CES5A: variants seen among roughly 807,000 people sequenced by gnomAD.
CES5A encodes carboxylesterase 5A.
In CES5A, 67 loss-of-function variants were observed where a neutral mutation model predicts 62.9. The observed-to-expected ratio is 1.07, with a 90% confidence interval of 0.88 to 1.31. The LOEUF is 1.31. CES5A is among the 50% of genes most tolerant of loss of function. The pLI, the probability that CES5A is intolerant of heterozygous loss-of-function variation, is 0.00. For missense variants in CES5A, 748 were observed against 708.5 expected (o/e 1.06, Z -0.63); for synonymous variants, 296 against 280.8 (o/e 1.05, Z -0.54).
At chr16:55,950,927 C>A (rs191941188) in intron 1 of CES5A, among the ~76,000 whole-genome samples, 60 of 151,488 alleles carry the variant, frequency 4.0e-4, no homozygotes, top group Admixed American at 8.5e-4. Context: ...ACGGTAAAAC[C>A]CCATCTCTAC....
Position 55,859,633 on chromosome 16 carries a change from G to C in CES5A, c.970C>G (p.Leu324Val). ...AATGCTTTCTGAGACAATAGATCTA[G>C]AGGCTCATTAGGAAAGAAAGCACCA... ...VDGAFFPNEP[L>V]DLLSQKAFKA... The change falls in exon 8 of 13, where the codon CTA (leucine) becomes GTA (valine). Residue 324 changes from leucine (L) to valine (V), a missense_variant. By Grantham distance (32) the Leu-to-Val change is conservative. Coordinates refer to ENST00000290567, the MANE Select transcript of CES5A (RefSeq NM_001143685.2). 1 of 1,613,406 alleles carries C rather than the reference G, an allele frequency of 6.2e-7. No homozygotes were observed. The highest frequency in any genetic ancestry group is 1.1e-5 in the South Asian group (1 of 90,890).
At chr16:55,883,048 A>G (rs534341279) in intron 1 of CES5A, among the ~76,000 whole-genome samples, 7 of 152,138 alleles carry the variant, frequency 4.6e-5, no homozygotes, top group Non-Finnish European at 8.8e-5. Flanking sequence ...AGTTCACCAA[A>G]TCTACAGCTG....
intron 1 of CES5A, among the ~76,000 whole-genome samples, chr16:55,891,866 G>C (rs544732534): frequency 7.2e-5 from 11 of 152,036 alleles, no homozygotes; most frequent in Non-Finnish European, 1.5e-4. Context: ...CGTAACATAC[G>C]TGACAAAGAA....
chr16:55,938,687 G>A (rs572080790), intron 2 of CES5A, among the ~76,000 whole-genome samples: 19 of 119,582 alleles, frequency 1.6e-4, no homozygotes, highest in Non-Finnish European at 2.2e-4. Flanking sequence ...AGTGAGCCAA[G>A]ACCATGCCAC....
intron 2 of CES5A, among the ~76,000 whole-genome samples, chr16:55,942,805 T>C (rs1392515684): frequency 6.6e-6 from 1 of 152,136 alleles, no homozygotes; most frequent in Non-Finnish European, 1.5e-5. Context: ...GATAAACAAA[T>C]AGTGGTATGT....
intron 1 of CES5A, among the ~76,000 whole-genome samples, chr16:55,950,252 G>C (rs2034540431): frequency 6.6e-6 from 1 of 152,112 alleles, no homozygotes; most frequent in Non-Finnish European, 1.5e-5. Context: ...TCAACCTCGT[G>C]AAAGAAAAGT....
intron 1 of CES5A, among the ~76,000 whole-genome samples, chr16:55,892,391 C>G (rs532556327): frequency 1.0e-3 from 152 of 152,132 alleles, no homozygotes; most frequent in Non-Finnish European, 1.9e-3. Flanking sequence ...CCACCTTGGG[C>G]ACATGTTCTC....
In CES5A at chr16:55,849,653, G is replaced by T; in HGVS notation, c.1394C>A (p.Ala465Asp). 1 of 1,613,946 alleles carries T rather than the reference G, an allele frequency of 6.2e-7. No individual in the cohort carries two copies. Among genetic ancestry groups the T allele is most frequent in the Non-Finnish European group, 8.5e-7 (1 of 1,179,876 alleles). ...CATAACAATGTCCCCCTTCAGGAAG[G>T]CACCACCGAACACAAAGCGGACTTC... ...ADEVRFVFGG[A>D]FLKGDIVMFE... Residue 465 changes from alanine (A) to aspartate (D), a missense_variant, in exon 11 of 13, where the codon GCC becomes GAC. Ala to Asp is a moderately radical substitution (Grantham distance 126). Coordinates refer to ENST00000290567, the MANE Select transcript of CES5A (RefSeq NM_001143685.2).
rs376158636 is a variant in CES5A, at chr16:55,859,662, A to G, written c.941T>C (p.Val314Ala). ...CTCATTAGGAAAGAAAGCACCATCA[A>G]CCACTCGAGTGAAAGACTTTGTTTT... ...SQKTKSFTRV[V>A]DGAFFPNEPL... The change falls in exon 8 of 13, where the codon GTT (valine) becomes GCT (alanine). Residue 314 changes from valine (V) to alanine (A), a missense_variant. Physicochemically the swap from Val to Ala is moderately conservative, Grantham distance 64 (BLOSUM62 0). Coordinates refer to ENST00000290567, the MANE Select transcript of CES5A (RefSeq NM_001143685.2). 5.3e-5 allele frequency: 85 copies of G among 1,611,728 alleles called. No homozygotes were observed. The highest frequency in any genetic ancestry group is 6.7e-5 in the Non-Finnish European group (79 of 1,179,374).
intron 1 of CES5A, among the ~76,000 whole-genome samples, chr16:55,893,334 C>T (rs549438984): frequency 6.6e-6 from 1 of 151,812 alleles, no homozygotes; most frequent in Non-Finnish European, 1.5e-5. Flanking sequence ...AAATTGGAAT[C>T]ATAAAGAAAC....
intron 1 of CES5A, among the ~76,000 whole-genome samples, chr16:55,908,524 C>T (rs1331854574): frequency 6.6e-6 from 1 of 152,154 alleles, no homozygotes; most frequent in East Asian, 1.9e-4. Context: ...CCATGCCCGG[C>T]TAATTTTGTA....
intron 2 of CES5A, among the ~76,000 whole-genome samples, chr16:55,939,359 T>C (rs766923847): frequency 6.6e-5 from 10 of 152,166 alleles, no homozygotes; most frequent in African/African-American, 9.7e-5. Flanking sequence ...AAAGGGGTAG[T>C]TCCCCAAAGA....
At chr16:55,906,003 G>A (rs2034037355) in intron 1 of CES5A, among the ~76,000 whole-genome samples, 1 of 152,064 alleles carries the variant, frequency 6.6e-6, no homozygotes, top group East Asian at 1.9e-4. Context: ...AGAACAATAA[G>A]ACTCAGAGAA....
intron 3 of CES5A, among the ~76,000 whole-genome samples, chr16:55,870,347 AGAAGGAG>A (rs554529472): frequency 2.2e-4 from 33 of 151,898 alleles, no homozygotes; most frequent in Non-Finnish European, 3.5e-4. Flanking sequence ...AGAGGAAGGG[AGAAGGAG>A]GAAGGAGGAA....
At position 55,943,917 on chromosome 16, in the gene CES5A, G is replaced by T; in HGVS notation, c.160+5868C>A. ...CTTTAACTGAGTATCCAGTAAGAGG[G>T]TCTAGAGCTGAAGGGGCAGTATTCA... On this transcript the variant is annotated intron_variant, in intron 2 of 13. Coordinates refer to the CES5A transcript ENST00000521992. 19 of 652,136 alleles carry T rather than the reference G, an allele frequency of 2.9e-5. No individual in the cohort carries two copies. In the South Asian group the frequency reaches 3.1e-4, roughly 11 times the overall value. The allele number at this position is 652,136 out of a possible 1,614,324, so 40.4% of individuals were successfully genotyped here.
At chr16:55,869,409 G>T in intron 4 of CES5A, 1 of 1,010,260 alleles carries the variant, frequency 9.9e-7, no homozygotes, top group Non-Finnish European at 1.3e-6. Flanking sequence ...TTACCCAAGT[G>T]AGAAAGAGAT....
At chr16:55,890,252 A>G (rs912585157) in intron 1 of CES5A, among the ~76,000 whole-genome samples, 18 of 152,194 alleles carry the variant, frequency 1.2e-4, no homozygotes, top group African/African-American at 4.1e-4. Context: ...AAGAACCTGA[A>G]ATTTTTGAGT....
chr16:55,857,397 G>C (rs1419653402), intron 8 of CES5A, among the ~76,000 whole-genome samples: 1 of 152,138 alleles, frequency 6.6e-6, no homozygotes, highest in Non-Finnish European at 1.5e-5. Flanking sequence ...AAAATGTGAG[G>C]CAGCAGAAAC....
intron 3 of CES5A, among the ~76,000 whole-genome samples, chr16:55,870,065 T>G (rs1320309880): frequency 6.6e-6 from 1 of 152,208 alleles, no homozygotes; most frequent in African/African-American, 2.4e-5. Flanking sequence ...TTAAACAAAA[T>G]TCTGCATCTA....
Sources: allele counts gnomAD v4.1 joint callset (sites outside exome capture counted in the v4.1 genomes callset), GRCh38; gene constraint gnomAD v4.1.1; transcripts MANE v1.5; gene names NCBI Gene and HGNC (gene_info 2026-07-23, HGNC 2026-07-21).